Variants in ACAD11 observed in about 807,000 individuals in gnomAD.
ACAD11 encodes the protein acyl-CoA dehydrogenase family member 11.
Under a neutral mutation model 102.2 loss-of-function variants are expected in ACAD11, and 83 were observed. That is an observed-to-expected ratio of 0.81 (90% CI 0.68 to 0.97). The LOEUF is 0.97. ACAD11 is among the 50% of genes least tolerant of loss of function. The probability of loss-of-function intolerance (pLI) is 0.00; values close to 1 mark genes in which losing one functional copy is unlikely to be tolerated. For synonymous variants in ACAD11, 324 were observed against 319.8 expected, an observed-to-expected ratio of 1.01 and a Z score of -0.14; for missense variants, 901 against 951.7, an observed-to-expected ratio of 0.95 and a Z score of 0.70.
intron 17 of ACAD11, among the ~76,000 whole-genome samples, chr3:132,563,199 C>T (rs891301270): frequency 2.0e-5 from 3 of 152,212 alleles, no homozygotes; most frequent in Non-Finnish European, 4.4e-5. Flanking sequence ...CTTTTGCTCA[C>T]TGATTACTGT....
intron 5 of ACAD11, among the ~76,000 whole-genome samples, chr3:132,633,381 G>A (rs1039794150): frequency 2.6e-5 from 4 of 152,154 alleles, no homozygotes; most frequent in Admixed American, 6.5e-5. Context: ...TATGTTTACT[G>A]ATTTGCGTAT....
Position 132,618,700 on chromosome 3 carries a change from C to A in ACAD11, c.1348G>T (p.Ala450Ser). 1 of 1,607,272 alleles carries A rather than the reference C, an allele frequency of 6.2e-7. No individual in the cohort carries two copies. Among genetic ancestry groups the A allele is most frequent in the Non-Finnish European group, 8.5e-7 (1 of 1,177,300 alleles). The change falls in exon 11 of 20, where the codon GCC becomes TCC. Residue 450 changes from alanine (A) to serine (S), a missense_variant. Physicochemically the swap from Ala to Ser is moderately conservative, Grantham distance 99. Coordinates refer to ENST00000264990, the MANE Select transcript of ACAD11 (RefSeq NM_032169.5). ...TTTCCTGTTTCTTCAGCAATCAAGGCATAGTCCACGTGGCTGAGTCCGCTG... is the reference window on the plus strand; with the variant it reads ...TTTCCTGTTTCTTCAGCAATCAAGGAATAGTCCACGTGGCTGAGTCCGCTG... ...AVSGLSHVDY[A>S]LIAEETGKCF...
intron 11 of ACAD11, among the ~76,000 whole-genome samples, chr3:132,611,828 C>G (rs531560905): frequency 6.6e-6 from 1 of 152,038 alleles, no homozygotes; most frequent in East Asian, 1.9e-4. Context: ...CAATGCCATC[C>G]CCATCAAGCT....
At position 132,578,930 on chromosome 3, in the gene ACAD11, TAAAAC is replaced by T. The variant is rs774766437; in HGVS notation, c.1689-54_1689-50del. The T allele has an allele frequency of 1.4e-5, 23 of 1,607,244 alleles. No individual in the cohort carries two copies. In the East Asian group the frequency reaches 1.8e-4, roughly 13 times the overall value. On this transcript the variant is annotated intron_variant, in intron 14 of 19. Transcript: ENST00000264990. The stretch of plus-strand genomic sequence containing the variant: ...AGAAAAAGTTTGCTAAGAAGAAAAA[TAAAAC>T]AGATAATAAGCAGAATCACAATTGT...
chr3:132,618,669 A>G lies in ACAD11; in HGVS notation c.1379T>C (p.Phe460Ser), dbSNP rs1172397526. Residue 460 changes from phenylalanine (F) to serine (S), a missense_variant, in exon 11 of 20, where the codon TTT (phenylalanine) becomes TCT (serine). Physicochemically the swap from Phe to Ser is radical, Grantham distance 155 (BLOSUM62 -2). Coordinates refer to ENST00000264990, the MANE Select transcript of ACAD11 (RefSeq NM_032169.5). ...ALIAEETGKC[F>S]FAPDVFNCQA... ...GCAGTTAAAGACATCTGGAGCAAAA[A>G]AGCATTTTCCTGTTTCTTCAGCAAT... The G allele has an allele frequency of 1.9e-6, 3 of 1,607,030 alleles. No individual in the cohort carries two copies. Among genetic ancestry groups the G allele is most frequent in the Non-Finnish European group, 2.5e-6 (3 of 1,177,324 alleles).
chr3:132,636,898 A>G (rs1940295648), intron 5 of ACAD11, among the ~76,000 whole-genome samples: 1 of 152,208 alleles, frequency 6.6e-6, no homozygotes, highest in African/African-American at 2.4e-5. Flanking sequence ...GTAGAAGACA[A>G]GACCACATGC....
intron 11 of ACAD11, among the ~76,000 whole-genome samples, chr3:132,613,016 C>T (rs75353589): frequency 0.097 from 14,758 of 151,904 alleles, 1,370 homozygotes; most frequent in East Asian, 0.53. Flanking sequence ...GAAAATGTGG[C>T]GCATATACAC....
intron 9 of ACAD11, among the ~76,000 whole-genome samples, chr3:132,624,519 C>T (rs1241469536): frequency 4.7e-5 from 7 of 149,560 alleles, no homozygotes; most frequent in East Asian, 4.2e-4. Flanking sequence ...GCAGAAGAAT[C>T]GCTTGAACCC....
chr3:132,595,692 A>G (rs573135965), intron 13 of ACAD11, among the ~76,000 whole-genome samples: 148 of 152,344 alleles, frequency 9.7e-4, no homozygotes, highest in African/African-American at 3.4e-3. Context: ...TCATATGAAA[A>G]AAAGCTAAAC....
intron 13 of ACAD11, among the ~76,000 whole-genome samples, chr3:132,588,750 TAA>T (rs1937955928): frequency 6.6e-6 from 1 of 152,206 alleles, no homozygotes; most frequent in South Asian, 2.1e-4. Flanking sequence ...ATTTCAAAGT[TAA>T]GTTTTAAAAA....
chr3:132,596,284 G>T (rs1342202652), intron 13 of ACAD11, among the ~76,000 whole-genome samples: 1 of 152,136 alleles, frequency 6.6e-6, no homozygotes, highest in Admixed American at 6.5e-5. Context: ...AGGGTAGAGG[G>T]TGGTAGAGAA....
rs1184733259 is a variant in ACAD11, at chr3:132,575,811, T to C, written c.1962A>G (p.Ala654=). The change falls in exon 17 of 20, where the codon GCA becomes GCG. Residue 654 remains alanine (A), a synonymous_variant. Coordinates refer to ENST00000264990, the MANE Select transcript of ACAD11 (RefSeq NM_032169.5). ...ERALQIMCER[A]TQRIAFKKKL... is the part of the protein sequence containing the mutation. ...TCTTCTTGAAAGCTATCCTTTGTGT[T>C]GCCCGCTCACACATGATCTGCAAAG... The C allele has an allele frequency of 6.2e-7, 1 of 1,614,108 alleles. No individual in the cohort carries two copies. Among genetic ancestry groups the C allele is most frequent in the Non-Finnish European group, 8.5e-7 (1 of 1,179,976 alleles).
chr3:132,568,607 T>G (rs11719825), intron 17 of ACAD11, among the ~76,000 whole-genome samples: 16,527 of 152,180 alleles, frequency 0.11, 1,493 homozygotes, highest in East Asian at 0.54. Context: ...AGACTGACTA[T>G]GTAACCACAG....
intron 13 of ACAD11, among the ~76,000 whole-genome samples, chr3:132,588,336 T>C (rs1937936383): frequency 6.6e-6 from 1 of 152,144 alleles, no homozygotes; most frequent in African/African-American, 2.4e-5. Context: ...CTTTAAACTT[T>C]GCCAAAAATC....
chr3:132,607,984 A>C (rs1279001548), intron 11 of ACAD11, among the ~76,000 whole-genome samples: 1 of 152,202 alleles, frequency 6.6e-6, no homozygotes, highest in African/African-American at 2.4e-5. Context: ...CTTAAAGAAA[A>C]GAAATTTCCA....
chr3:132,609,043 T>G (rs1938991597), intron 11 of ACAD11, among the ~76,000 whole-genome samples: 1 of 152,184 alleles, frequency 6.6e-6, no homozygotes, highest in Non-Finnish European at 1.5e-5. Flanking sequence ...GAATGACTAC[T>G]GGGTAAATAA....
chr3:132,647,706 T>C (rs1273674186), intron 1 of ACAD11, among the ~76,000 whole-genome samples: 2 of 152,158 alleles, frequency 1.3e-5, no homozygotes, highest in African/African-American at 4.8e-5. Flanking sequence ...TGAGTATGGG[T>C]ACCACCTTGA....
At chr3:132,607,543 A>C (rs1394199990) in intron 11 of ACAD11, among the ~76,000 whole-genome samples, 1 of 152,234 alleles carries the variant, frequency 6.6e-6, no homozygotes, top group Non-Finnish European at 1.5e-5. Flanking sequence ...AGATCAACTT[A>C]ATGAAATAAA....
At chr3:132,579,387 A>G in intron 14 of ACAD11, 105 bp downstream of exon 14, 3 of 919,762 alleles carry the variant, frequency 3.3e-6, no homozygotes, top group East Asian at 2.5e-5. Flanking sequence ...CATATCTTAC[A>G]TTATGATTTG....
Sources: allele counts gnomAD v4.1 joint callset (sites outside exome capture counted in the v4.1 genomes callset), GRCh38; gene constraint gnomAD v4.1.1; transcripts MANE v1.5; gene names NCBI Gene and HGNC (gene_info 2026-07-23, HGNC 2026-07-21).